RASGRF2: variants seen among roughly 807,000 people sequenced by gnomAD.
RASGRF2 encodes the protein ras-specific guanine nucleotide-releasing factor 2.
A neutral mutation model predicts 151.0 loss-of-function variants in RASGRF2; 76 were observed. The observed-to-expected ratio is 0.50, with a 90% CI of 0.42 to 0.61. The LOEUF (loss-of-function observed/expected upper bound fraction) is 0.61. Ranked by LOEUF, RASGRF2 falls within the 20% of genes least tolerant of loss-of-function variation. RASGRF2 has a pLI of 0.00. For missense variants in RASGRF2, 1,148 were observed against 1,564.6 expected (o/e 0.73, Z 4.49); for synonymous variants, 504 against 566.5 (o/e 0.89, Z 1.57).
chr5:80,992,208 G>A (rs1334533467), intron 1 of RASGRF2, among the ~76,000 whole-genome samples: 10 of 19,274 alleles, frequency 5.2e-4, no homozygotes, highest in South Asian at 3.7e-3. Flanking sequence ...AGAGACAAGA[G>A]AGAGGAGAGA....
chr5:81,132,423 C>T (rs981964285), intron 17 of RASGRF2, among the ~76,000 whole-genome samples: 1 of 152,122 alleles, frequency 6.6e-6, no homozygotes, highest in Admixed American at 6.6e-5. Context: ...TCCGACTGAT[C>T]TGGGGAGGTG....
intron 2 of RASGRF2, among the ~76,000 whole-genome samples, chr5:81,047,929 A>C (rs516343): frequency 0.37 from 55,901 of 152,098 alleles, 10,566 homozygotes; most frequent in Middle Eastern, 0.61. Context: ...AAACACCCAG[A>C]ACCTAATGCT....
intron 26 of RASGRF2, among the ~76,000 whole-genome samples, chr5:81,222,114 T>C (rs781014937): frequency 1.3e-5 from 2 of 152,224 alleles, no homozygotes; most frequent in Non-Finnish European, 2.9e-5. Flanking sequence ...AACCAAGATA[T>C]GGGCTTTAGA....
At chr5:80,991,467 G>A (rs1748648226) in intron 1 of RASGRF2, among the ~76,000 whole-genome samples, 1 of 152,190 alleles carries the variant, frequency 6.6e-6, no homozygotes, top group Non-Finnish European at 1.5e-5. Flanking sequence ...GGACCTGAGA[G>A]TCTGCATTGC....
intron 17 of RASGRF2, among the ~76,000 whole-genome samples, chr5:81,178,713 G>A (rs1297031602): frequency 6.6e-6 from 1 of 152,076 alleles, no homozygotes; most frequent in Non-Finnish European, 1.5e-5. Context: ...AGAACAGGAA[G>A]TGAGGAAGTT....
intron 1 of RASGRF2, among the ~76,000 whole-genome samples, chr5:80,963,260 G>T (rs994977108): frequency 2.0e-5 from 3 of 152,170 alleles, no homozygotes; most frequent in African/African-American, 7.2e-5. Context: ...GTGAGGAGAT[G>T]AGCACATCCC....
intron 2 of RASGRF2, among the ~76,000 whole-genome samples, chr5:81,065,944 C>T (rs1005367049): frequency 1.3e-5 from 2 of 152,092 alleles, no homozygotes; most frequent in South Asian, 2.1e-4. Flanking sequence ...GGGAGGGGGA[C>T]GTTGGTGATG....
intron 17 of RASGRF2, among the ~76,000 whole-genome samples, chr5:81,140,543 C>T (rs941378043): frequency 7.9e-5 from 12 of 152,096 alleles, no homozygotes; most frequent in African/African-American, 2.9e-4. Context: ...CCTGAGCCTG[C>T]GAAGCAGCTA....
At chr5:81,062,211 T>C (rs1480127589) in intron 2 of RASGRF2, among the ~76,000 whole-genome samples, 1 of 152,126 alleles carries the variant, frequency 6.6e-6, no homozygotes, top group African/African-American at 2.4e-5. Flanking sequence ...TTTGTGTATT[T>C]CTTGACTTAC....
At chr5:81,150,150 G>A (rs181914155) in intron 17 of RASGRF2, among the ~76,000 whole-genome samples, 1 of 152,346 alleles carries the variant, frequency 6.6e-6, no homozygotes, top group East Asian at 1.9e-4. Flanking sequence ...AAGGGCCTTA[G>A]GGAGAATGGC....
chr5:81,123,989 CA>C (rs1753385363), intron 16 of RASGRF2, among the ~76,000 whole-genome samples: 1 of 152,136 alleles, frequency 6.6e-6, no homozygotes, highest in East Asian at 1.9e-4. Flanking sequence ...AAATATTTGG[CA>C]GAAGAATAAA....
At chr5:81,138,502 C>T (rs1377405870) in intron 17 of RASGRF2, among the ~76,000 whole-genome samples, 1 of 152,178 alleles carries the variant, frequency 6.6e-6, no homozygotes, top group Non-Finnish European at 1.5e-5. Flanking sequence ...TCCAGTGTTA[C>T]TCTTCCCCTC....
chr5:80,963,342 C>G (rs2112200698), intron 1 of RASGRF2, among the ~76,000 whole-genome samples: 1 of 152,310 alleles, frequency 6.6e-6, no homozygotes. Flanking sequence ...ACTATCAACA[C>G]AGTTGAAGGT....
intron 1 of RASGRF2, among the ~76,000 whole-genome samples, chr5:80,967,154 C>T (rs1243018430): frequency 2.0e-5 from 3 of 152,036 alleles, no homozygotes; most frequent in Non-Finnish European, 4.4e-5. Flanking sequence ...TTTGGGAGGT[C>T]GAGGCAGGTG....
At chr5:81,159,769 T>A (rs766510212) in intron 17 of RASGRF2, among the ~76,000 whole-genome samples, 8 of 152,244 alleles carry the variant, frequency 5.3e-5, no homozygotes, top group Admixed American at 3.3e-4. Flanking sequence ...TTTGTTTCTG[T>A]TGTTTTACTG....
chr5:81,107,992 T>C (rs1752890501), intron 12 of RASGRF2, among the ~76,000 whole-genome samples: 1 of 152,206 alleles, frequency 6.6e-6, no homozygotes, highest in Admixed American at 6.5e-5. Context: ...GTAGACTGAA[T>C]AGTCAGAATT....
At chr5:81,066,282 G>C (rs577402519) in intron 2 of RASGRF2, among the ~76,000 whole-genome samples, 3 of 151,938 alleles carry the variant, frequency 2.0e-5, no homozygotes, top group African/African-American at 7.2e-5. Context: ...TAATTTCTCA[G>C]AACGAGTGAC....
chr5:81,093,166 A>G (rs1752440549), intron 10 of RASGRF2, among the ~76,000 whole-genome samples: 1 of 152,238 alleles, frequency 6.6e-6, no homozygotes, highest in African/African-American at 2.4e-5. Context: ...TATTTTAAGT[A>G]TGCATCACCA....
At chr5:81,056,327 G>A (rs1326926462) in intron 2 of RASGRF2, among the ~76,000 whole-genome samples, 3 of 152,124 alleles carry the variant, frequency 2.0e-5, no homozygotes, top group African/African-American at 4.8e-5. Flanking sequence ...TGTATGTTGT[G>A]TCTTTGTTCT....
Sources: gnomAD v4.1 joint callset for allele counts (sites outside exome capture counted in the v4.1 genomes callset) on GRCh38, gnomAD v4.1.1 for gene constraint, MANE v1.5 for transcripts, NCBI Gene and HGNC (gene_info 2026-07-23, HGNC 2026-07-21) for gene names.